Variants in DZANK1 observed in about 807,000 individuals in gnomAD.
DZANK1 encodes the protein double zinc ribbon and ankyrin repeat-containing protein 1.
Under a neutral mutation model 94.5 loss-of-function variants are expected in DZANK1, and 91 were observed. That is an observed-to-expected ratio of 0.96 (90% CI 0.81 to 1.15). DZANK1 has a LOEUF of 1.15. Among genes scored for constraint, DZANK1 ranks in the 50% most tolerant of loss-of-function variants. The pLI, the probability that DZANK1 is intolerant of heterozygous loss-of-function variation, is 0.00. For missense variants in DZANK1, 903 were observed against 916.4 expected (o/e 0.99, Z 0.19); for synonymous variants, 312 against 325.3 (o/e 0.96, Z 0.44).
chr20:18,398,988 C>T (rs960421856), intron 13 of DZANK1, among the ~76,000 whole-genome samples: 2 of 151,950 alleles, frequency 1.3e-5, no homozygotes, highest in African/African-American at 2.4e-5. Flanking sequence ...AAAAATTAGC[C>T]GAGCATGGTG....
At chr20:18,388,798 A>G (rs1225495963) in intron 19 of DZANK1, among the ~76,000 whole-genome samples, 1 of 152,246 alleles carries the variant, frequency 6.6e-6, no homozygotes, top group Non-Finnish European at 1.5e-5. Flanking sequence ...AAATGCATAT[A>G]GAAAAATTAA....
In DZANK1 at chr20:18,465,395, TATAA is replaced by T. The variant is rs1214593173; in HGVS notation, c.-19-22_-19-19del. 2.4e-6 allele frequency: 3 copies of T among 1,236,734 alleles called. No individual in the cohort carries two copies. The highest frequency in any genetic ancestry group is 2.2e-6 in the Non-Finnish European group (2 of 914,134). The allele number at this position is 1,236,734 out of a possible 1,614,324, so 76.6% of individuals were successfully genotyped here. A position where few individuals can be genotyped will look rare whatever the true frequency, so the allele number is the denominator to read the frequency against. On this transcript the variant is annotated intron_variant, in intron 1 of 20. Coordinates refer to ENST00000262547, the Ensembl canonical transcript of DZANK1. The stretch of plus-strand genomic sequence containing the variant: ...CTCTCTCTCTCTATATATATATACA[TATAA>T]ATTCCAATGTACACAAAAGCTGAAG...
intron 13 of DZANK1, among the ~76,000 whole-genome samples, chr20:18,401,196 C>T (rs1434757233): frequency 6.6e-6 from 1 of 152,120 alleles, no homozygotes; most frequent in Non-Finnish European, 1.5e-5. Flanking sequence ...CTCGGCCTCC[C>T]AAAGTGTTCT....
intron 3 of DZANK1, among the ~76,000 whole-genome samples, chr20:18,456,086 A>G (rs981311997): frequency 8.5e-5 from 13 of 152,214 alleles, no homozygotes; most frequent in African/African-American, 2.9e-4. Flanking sequence ...TTTGAAGACT[A>G]TCTACCACAT....
At chr20:18,452,841 T>G in intron 5 of DZANK1, 102 bp from the exon 6 acceptor site, 1 of 1,186,408 alleles carries the variant, frequency 8.4e-7, no homozygotes, top group Non-Finnish European at 1.1e-6. Context: ...AGAACCACTG[T>G]CACCACATTG....
chr20:18,399,914 A>C (rs1191438562), intron 13 of DZANK1, among the ~76,000 whole-genome samples: 1 of 152,220 alleles, frequency 6.6e-6, no homozygotes, highest in Non-Finnish European at 1.5e-5. Flanking sequence ...GAAGACACTA[A>C]GCTGAAAGCA....
exon 12 of DZANK1, chr20:18,414,367 T>A (rs1420354439): frequency 6.2e-7 from 1 of 1,613,830 alleles, no homozygotes; most frequent in Non-Finnish European, 8.5e-7. Flanking sequence ...AGGGCGAGGT[T>A]CCTCAGCAGC....
intron 3 of DZANK1, among the ~76,000 whole-genome samples, chr20:18,459,545 T>C (rs1369891878): frequency 6.6e-6 from 1 of 152,126 alleles, no homozygotes; most frequent in Non-Finnish European, 1.5e-5. Context: ...CCACACAGAA[T>C]TGCAAGGATT....
intron 10 of DZANK1, among the ~76,000 whole-genome samples, chr20:18,426,750 A>G (rs546638304): frequency 3.4e-4 from 52 of 152,338 alleles, no homozygotes; most frequent in Admixed American, 2.4e-3. Flanking sequence ...AGGGGATGAC[A>G]AAGACATACC....
At position 18,462,128 on chromosome 20, in the gene DZANK1, C is replaced by A. The variant is rs35596156; in HGVS notation, c.110-1822G>T. ...TTGAGTAAAACTCACTAATTCATTACAATGAATGTTTGCTGAATACCTATT... is the reference window on the plus strand; with the variant it reads ...TTGAGTAAAACTCACTAATTCATTAAAATGAATGTTTGCTGAATACCTATT... On this transcript the variant is annotated intron_variant, in intron 2 of 20. Coordinates refer to ENST00000262547, the Ensembl canonical transcript of DZANK1. Among the ~76,000 whole-genome samples the A allele has an allele frequency of 8.3e-3, 1,264 of 152,172 alleles. 13 individuals carry two copies. Among genetic ancestry groups the A allele is most frequent in the South Asian group, 0.036 (175 of 4,824 alleles).
At chr20:18,434,043 T>A in intron 8 of DZANK1, 1 of 317,026 alleles carries the variant, frequency 3.2e-6, no homozygotes, top group Non-Finnish European at 5.7e-6. Context: ...AATAACACTA[T>A]GTACCCCATA....
intron 8 of DZANK1, among the ~76,000 whole-genome samples, chr20:18,434,911 G>A (rs147809247): frequency 2.0e-5 from 3 of 152,166 alleles, no homozygotes; most frequent in African/African-American, 2.4e-5. Flanking sequence ...TGGGGTAATC[G>A]ATGCACTGAC....
At chr20:18,459,812 C>T (rs181797257) in intron 3 of DZANK1, among the ~76,000 whole-genome samples, 25 of 152,204 alleles carry the variant, frequency 1.6e-4, no homozygotes, top group African/African-American at 5.5e-4. Context: ...AGCCACTCCG[C>T]GAACACAGTA....
chr20:18,442,891 T>C (rs1485068827), intron 8 of DZANK1, among the ~76,000 whole-genome samples: 1 of 152,200 alleles, frequency 6.6e-6, no homozygotes, highest in African/African-American at 2.4e-5. Context: ...TTATTATCTA[T>C]CCTAAATCAG....
chr20:18,407,816 A>G (rs957338050), intron 13 of DZANK1, among the ~76,000 whole-genome samples: 1 of 152,246 alleles, frequency 6.6e-6, no homozygotes, highest in Non-Finnish European at 1.5e-5. Flanking sequence ...AGATAGCAGA[A>G]CTGATTAAGC....
intron 11 of DZANK1, 44 bp from the exon 12 acceptor site, chr20:18,414,556 T>C (rs747339953): frequency 3.9e-6 from 6 of 1,547,192 alleles, no homozygotes; most frequent in Non-Finnish European, 5.2e-6. Flanking sequence ...AGTTATAATT[T>C]CCTCATGTAA....
intron 13 of DZANK1, among the ~76,000 whole-genome samples, chr20:18,412,242 T>C (rs1480656848): frequency 6.6e-6 from 1 of 152,134 alleles, no homozygotes; most frequent in Non-Finnish European, 1.5e-5. Flanking sequence ...ATTGCAGGCA[T>C]GAGTCACCAC....
intron 13 of DZANK1, among the ~76,000 whole-genome samples, chr20:18,400,509 G>A (rs997443637): frequency 1.3e-5 from 2 of 152,182 alleles, no homozygotes; most frequent in African/African-American, 4.8e-5. Context: ...TGAAGTTGGA[G>A]GCAGCAAAGT....
In DZANK1 at chr20:18,399,952, G is replaced by A. The variant is rs535906315; in HGVS notation, c.1433-1326C>T. Among the ~76,000 whole-genome samples, 6 of 152,324 alleles carry A rather than the reference G, an allele frequency of 3.9e-5. No homozygotes were observed. In the East Asian group the frequency reaches 1.2e-3, roughly 29 times the overall value. On this transcript the variant is annotated intron_variant, in intron 13 of 20. Coordinates refer to ENST00000262547, the Ensembl canonical transcript of DZANK1. The stretch of plus-strand genomic sequence containing the variant: ...CAGAGGGATTTTCCAAGGTCATGCA[G>A]CATGGTTCAGTGGAAAGAGAACATA...
Sources: gnomAD v4.1 joint callset for allele counts (sites outside exome capture counted in the v4.1 genomes callset) on GRCh38, gnomAD v4.1.1 for gene constraint, MANE v1.5 for transcripts, NCBI Gene and HGNC (gene_info 2026-07-23, HGNC 2026-07-21) for gene names.